Variants in CHEK2 observed in about 807,000 individuals in gnomAD.
CHEK2 encodes the protein checkpoint kinase 2, also known as serine/threonine-protein kinase Chk2.
A neutral mutation model predicts 69.1 loss-of-function variants in CHEK2; 71 were observed. That is an observed-to-expected ratio of 1.03 (90% CI 0.85 to 1.25). The LOEUF (loss-of-function observed/expected upper bound fraction) is 1.25, where lower values mean the gene tolerates loss of function less well. CHEK2 is among the 50% of genes most tolerant of loss of function. The pLI is 0.00. For missense variants in CHEK2, 664 were observed against 649.6 expected (o/e 1.02, Z -0.24); for synonymous variants, 189 against 226.9 (o/e 0.83, Z 1.50).
At chr22:28,702,121 T>TTG (rs1220287391) in intron 8 of CHEK2, among the ~76,000 whole-genome samples, 10 of 66,268 alleles carry the variant, frequency 1.5e-4, no homozygotes, top group South Asian at 1.7e-3. Context: ...CCGGCTAATT[T>TTG]TGTGTGTGTG....
At chr22:28,737,569 A>C (rs999299856) in intron 1 of CHEK2, among the ~76,000 whole-genome samples, 33 of 151,122 alleles carry the variant, frequency 2.2e-4, no homozygotes, top group African/African-American at 7.3e-4. Context: ...TCCTGGGTTC[A>C]AGCAATTCTC....
At chr22:28,727,283 C>T (rs1392105061) in intron 2 of CHEK2, among the ~76,000 whole-genome samples, 6 of 152,152 alleles carry the variant, frequency 3.9e-5, no homozygotes, top group Non-Finnish European at 7.3e-5. Context: ...ACTTGTGATC[C>T]GCCCGCCTCG....
intron 11 of CHEK2, 91 bp downstream of exon 11, chr22:28,695,619 G>T: frequency 9.3e-7 from 1 of 1,079,480 alleles, no homozygotes; most frequent in Non-Finnish European, 1.4e-6. Flanking sequence ...TCAAGCCACT[G>T]CATGCCAGCC....
chr22:28,698,388 T>G (rs2014114), intron 9 of CHEK2, among the ~76,000 whole-genome samples: 25,976 of 151,740 alleles, frequency 0.17, 2,533 homozygotes, highest in East Asian at 0.39. Flanking sequence ...CAGTGAGACA[T>G]CATCTCAAAA....
At chr22:28,738,993 G>T (rs529533784) in intron 1 of CHEK2, among the ~76,000 whole-genome samples, 1 of 152,314 alleles carries the variant, frequency 6.6e-6, no homozygotes, top group Admixed American at 6.5e-5. Context: ...GGCAAGCCAG[G>T]CACGGTGCCT....
chr22:28,722,205 C>T (rs1392161128), intron 4 of CHEK2, among the ~76,000 whole-genome samples: 1 of 151,976 alleles, frequency 6.6e-6, no homozygotes, highest in Non-Finnish European at 1.5e-5. Flanking sequence ...CCACAAACAG[C>T]AAAACCTAAA....
chr22:28,701,410 C>T (rs1036987527), intron 8 of CHEK2, among the ~76,000 whole-genome samples: 1 of 151,998 alleles, frequency 6.6e-6, no homozygotes, highest in Non-Finnish European at 1.5e-5. Context: ...CGGGGTTTTG[C>T]CATGTTGGCC....
At chr22:28,702,528 G>A (rs1250241672) in intron 8 of CHEK2, among the ~76,000 whole-genome samples, 7 of 144,492 alleles carry the variant, frequency 4.8e-5, no homozygotes, top group East Asian at 2.1e-4. Context: ...GTGAGCCACT[G>A]CGCCCGGCCT....
At chr22:28,740,119 T>C (rs1224378533) in intron 1 of CHEK2, among the ~76,000 whole-genome samples, 1 of 152,142 alleles carries the variant, frequency 6.6e-6, no homozygotes, top group South Asian at 2.1e-4. Context: ...GCGAATCGCT[T>C]GAACCAGGGA....
chr22:28,719,369 T>C (rs1159425766), intron 5 of CHEK2, 26 bp downstream of exon 5: 1 of 1,304,090 alleles, frequency 7.7e-7, no homozygotes, highest in African/African-American at 1.5e-5. Context: ...AAAAATTAAG[T>C]GCATTTATAT....
chr22:28,730,659 A>C lies in CHEK2; in HGVS notation c.319+3744T>G, dbSNP rs974220739. ...GATCACCCGAGGGCAGGAGTTCGAG[A>C]CCAGCCTGGCCAACATGGTGAAACC... On this transcript the variant is annotated intron_variant, in intron 2 of 14. Coordinates refer to ENST00000404276, the MANE Select transcript of CHEK2 (RefSeq NM_007194.4). 4 of 465,228 alleles carry C rather than the reference A, an allele frequency of 8.6e-6. No homozygotes were observed. In the Admixed American group the frequency reaches 1.2e-4, roughly 14 times the overall value. The allele number at this position is 465,228 out of a possible 1,614,324, so 28.8% of individuals were successfully genotyped here.
chr22:28,724,113 A>G (rs1157729771), intron 4 of CHEK2, among the ~76,000 whole-genome samples: 1 of 152,220 alleles, frequency 6.6e-6, no homozygotes, highest in African/African-American at 2.4e-5. Flanking sequence ...ATGATAATTC[A>G]ATTAACAGTA....
At chr22:28,706,148 T>C (rs933113446) in intron 7 of CHEK2, among the ~76,000 whole-genome samples, 2 of 151,652 alleles carry the variant, frequency 1.3e-5, no homozygotes, top group Non-Finnish European at 2.9e-5. Context: ...AAAAATTATC[T>C]GAATTAGCTG....
intron 2 of CHEK2, chr22:28,726,311 A>T (rs1477219782): frequency 1.3e-5 from 2 of 151,584 alleles, no homozygotes; most frequent in East Asian, 3.9e-4. Context: ...TGATGCTACA[A>T]TGGGCTGTGA....
At chr22:28,724,579 G>A (rs1177099489) in intron 4 of CHEK2, 1 of 269,074 alleles carries the variant, frequency 3.7e-6, no homozygotes, top group African/African-American at 2.2e-5. Context: ...CTTTTTTTTT[G>A]TTTTGAGACA....
At chr22:28,716,794 G>A (rs1327143174) in intron 5 of CHEK2, among the ~76,000 whole-genome samples, 1 of 152,172 alleles carries the variant, frequency 6.6e-6, no homozygotes, top group Non-Finnish European at 1.5e-5. Context: ...GGTTCTCAAA[G>A]TATGATTGGA....
intron 9 of CHEK2, among the ~76,000 whole-genome samples, chr22:28,698,057 G>A (rs2052659212): frequency 6.6e-6 from 1 of 151,566 alleles, no homozygotes; most frequent in Non-Finnish European, 1.5e-5. Context: ...CACCTACTAT[G>A]TGCCCACAAA....
intron 1 of CHEK2, among the ~76,000 whole-genome samples, chr22:28,739,025 T>C (rs2054489267): frequency 6.6e-6 from 1 of 152,108 alleles, no homozygotes; most frequent in Non-Finnish European, 1.5e-5. Context: ...TCCCAGCACT[T>C]TGGGAGGCCA....
intron 7 of CHEK2, among the ~76,000 whole-genome samples, chr22:28,706,048 C>G (rs1385377545): frequency 6.6e-6 from 1 of 151,964 alleles, no homozygotes; most frequent in Non-Finnish European, 1.5e-5. Context: ...AATCCCAGCC[C>G]TTTGGGAGGC....
Sources: gnomAD v4.1 joint callset for allele counts (sites outside exome capture counted in the v4.1 genomes callset) on GRCh38, gnomAD v4.1.1 for gene constraint, MANE v1.5 for transcripts, NCBI Gene and HGNC (gene_info 2026-07-23, HGNC 2026-07-21) for gene names.